Variants in GSTM5 observed in about 807,000 individuals in gnomAD.
GSTM5 encodes the protein glutathione S-transferase mu 5, also known as GST class-mu 5.
In GSTM5, 24 loss-of-function variants were observed where a neutral mutation model predicts 29.0. That is an observed-to-expected ratio of 0.83 (90% CI 0.60 to 1.16). The LOEUF (loss-of-function observed/expected upper bound fraction) is 1.16. Among genes scored for constraint, GSTM5 ranks in the 50% most tolerant of loss-of-function variants. The pLI is 0.00. For missense variants in GSTM5, 290 were observed against 263.0 expected, an observed-to-expected ratio of 1.10 and a Z score of -0.71; for synonymous variants, 91 against 93.6, an observed-to-expected ratio of 0.97 and a Z score of 0.16.
intron 7 of GSTM5, chr1:109,716,090 G>A (rs534286575): frequency 7.8e-6 from 3 of 386,066 alleles, no homozygotes; most frequent in East Asian, 1.6e-4. Flanking sequence ...CAGCCTGTGA[G>A]GTGTGTGTGG....
intron 7 of GSTM5, chr1:109,716,972 T>G (rs1169979466): frequency 1.2e-5 from 2 of 170,952 alleles, no homozygotes; most frequent in African/African-American, 4.8e-5. Flanking sequence ...ACTAGCTATT[T>G]GAGTGTGAGG....
intron 3 of GSTM5, 118 bp from the exon 4 acceptor site, chr1:109,713,366 T>C: frequency 6.8e-7 from 1 of 1,462,860 alleles, no homozygotes; most frequent in Non-Finnish European, 9.6e-7. Context: ...GTGACAGTAT[T>C]TCTATCTCAG....
chr1:109,713,620 G>T (rs749350566), intron 4 of GSTM5, 41 bp from the exon 5 acceptor site: 1 of 1,614,082 alleles, frequency 6.2e-7, no homozygotes, highest in African/African-American at 1.3e-5. Flanking sequence ...CCTTGGCTGG[G>T]CTGTGATGCT....
chr1:109,713,844 T>A, intron 5 of GSTM5, 83 bp downstream of exon 5: 1 of 1,042,698 alleles, frequency 9.6e-7, no homozygotes, highest in Non-Finnish European at 1.4e-6. Flanking sequence ...GTCAGGTCTG[T>A]AGCAGACTCC....
chr1:109,712,202 G>T, upstream of GSTM5: 3 of 1,159,226 alleles, frequency 2.6e-6, no homozygotes, highest in South Asian at 3.9e-5. Context: ...GGGTTGTGGC[G>T]GGCCGAGGGG....
At chr1:109,713,865 C>G in intron 5 of GSTM5, 104 bp downstream of exon 5, 1 of 693,708 alleles carries the variant, frequency 1.4e-6, no homozygotes, top group Admixed American at 1.9e-5. Context: ...GGCCAGCTGA[C>G]TGGAGACGTC....
At chr1:109,713,801 C>T in intron 5 of GSTM5, 40 bp downstream of exon 5, 4 of 1,575,798 alleles carry the variant, frequency 2.5e-6, no homozygotes, top group South Asian at 2.2e-5. Flanking sequence ...CATTTCCCTG[C>T]CTTTTGGCCC....
In GSTM5 at chr1:109,712,598, C is replaced by T. The variant is rs1471649958; in HGVS notation, c.37-20C>T. ...AGGGACCCTCCATCTCTGACCCGAG[C>T]CGCGGGCCATCTCTCCCAGCTGGCC... On this transcript the variant is annotated intron_variant, in intron 1 of 7. Transcript: ENST00000256593. 6.2e-7 allele frequency: 1 copy of T among 1,613,442 alleles called. No homozygotes were observed. Among genetic ancestry groups the T allele is most frequent in the Admixed American group, 1.7e-5 (1 of 60,030 alleles).
At chr1:109,713,225 G>A (rs1240864963) in intron 3 of GSTM5, 42 bp downstream of exon 3, 4 of 1,609,614 alleles carry the variant, frequency 2.5e-6, no homozygotes, top group South Asian at 2.2e-5. Context: ...AAAGTGCGAC[G>A]TGTCTCTGAC....
At position 109,717,327 on chromosome 1, in the gene GSTM5, C is replaced by A. The variant is rs772800308; in HGVS notation, c.568-10C>A. The A allele has an allele frequency of 6.2e-7, 1 of 1,609,834 alleles. No individual in the cohort carries two copies. Among genetic ancestry groups the A allele is most frequent in the African/African-American group, 1.3e-5 (1 of 74,938 alleles). ...CAGACCTGGCTCTGGCCCCTTCTTC[C>A]CGCCCTCAGGGTTTGAAGAAGATCT... is the stretch of plus-strand genomic sequence containing the variant. On this transcript the variant is annotated splice_polypyrimidine_tract_variant and intron_variant, in intron 7 of 7. Coordinates refer to ENST00000256593, the MANE Select transcript of GSTM5 (RefSeq NM_000851.4).
At chr1:109,712,590 G>C (rs747124202) in intron 1 of GSTM5, 28 bp from the exon 2 acceptor site, 1 of 1,613,140 alleles carries the variant, frequency 6.2e-7, no homozygotes, top group South Asian at 1.1e-5. Context: ...CTCCATCTCT[G>C]ACCCGAGCCG....
Position 109,712,271 on chromosome 1 carries a change from C to G in GSTM5, c.-42C>G, listed in dbSNP as rs777293297. 6.2e-7 allele frequency: 1 copy of G among 1,612,286 alleles called. No homozygotes were observed. On this transcript the variant is annotated 5_prime_UTR_variant, in exon 1 of 8. Coordinates refer to ENST00000256593, the MANE Select transcript of GSTM5 (RefSeq NM_000851.4). ...TGGGCCTCTCAAAGTCTGAGCCCCG[C>G]TCCGCTGATGCCTGTCTGCAGAATC...
At chr1:109,717,117 T>G in intron 7 of GSTM5, 16 of 166,916 alleles carry the variant, frequency 9.6e-5, no homozygotes, top group East Asian at 2.9e-4. Flanking sequence ...GTGTAGATCT[T>G]TCGTAAATGG....
chr1:109,716,418 C>T (rs1168005772), intron 7 of GSTM5: 1 of 155,658 alleles, frequency 6.4e-6, no homozygotes, highest in Admixed American at 6.5e-5. Flanking sequence ...TGGGCCTGGC[C>T]CTGGCCCTTT....
chr1:109,713,086 G>C (rs1047196101), intron 2 of GSTM5, 33 bp from the exon 3 acceptor site: 3 of 1,611,906 alleles, frequency 1.9e-6, no homozygotes, highest in Non-Finnish European at 1.7e-6. Context: ...CTGGGCTCTG[G>C]GGAGGTTTGT....
intron 3 of GSTM5, 135 bp downstream of exon 3, chr1:109,713,318 C>T: frequency 1.4e-6 from 2 of 1,389,552 alleles, no homozygotes; most frequent in Non-Finnish European, 2.0e-6. Context: ...TCTACACAGC[C>T]CTTGCATGAT....
In GSTM5 at chr1:109,714,962, A is replaced by G; in HGVS notation, c.376A>G (p.Lys126Glu). 6.2e-7 allele frequency: 1 copy of G among 1,614,258 alleles called. No homozygotes were observed. Among genetic ancestry groups the G allele is most frequent in the Non-Finnish European group, 8.5e-7 (1 of 1,180,044 alleles). The change falls in exon 6 of 8, where the codon AAA (lysine) becomes GAA (glutamate). Residue 126 changes from lysine (K) to glutamate (E), a missense_variant. Coordinates refer to ENST00000256593, the MANE Select transcript of GSTM5 (RefSeq NM_000851.4). ...YDPDFEKLKP[K>E]YLEELPEKLK... is the part of the protein sequence containing the mutation. ...TCTGCCTCAGGAGAAACTGAAGCCA[A>G]AATACTTGGAGGAACTCCCTGAAAA...
Position 109,712,312 on chromosome 1 carries a change from C to G in GSTM5, c.-1C>G, listed in dbSNP as rs1221151061. The G allele has an allele frequency of 1.2e-6, 2 of 1,614,028 alleles. No homozygotes were observed. Among genetic ancestry groups the G allele is most frequent in the African/African-American group, 2.7e-5 (2 of 74,922 alleles). On this transcript the variant is annotated 5_prime_UTR_variant, in exon 1 of 8. Coordinates refer to ENST00000256593, the MANE Select transcript of GSTM5 (RefSeq NM_000851.4). ...CTGCAGAATCCGCACCAACCAGCAC[C>G]ATGCCCATGACTCTGGGGTACTGGG...
chr1:109,712,211 G>A, upstream of GSTM5: 1 of 1,286,704 alleles, frequency 7.8e-7, no homozygotes, highest in Non-Finnish European at 1.1e-6. Flanking sequence ...CGGGCCGAGG[G>A]GCGGGGTCGC....
Sources: allele counts gnomAD v4.1 joint callset, GRCh38; gene constraint gnomAD v4.1.1; transcripts MANE v1.5; gene names NCBI Gene and HGNC (gene_info 2026-07-23, HGNC 2026-07-21).